Variants in SOX5 observed in about 807,000 individuals in gnomAD.
The protein encoded by SOX5 is SRY-box transcription factor 5, also known as transcription factor SOX-5.
In SOX5, 9 loss-of-function variants were observed where a neutral mutation model predicts 92.0. The ratio of observed to expected loss-of-function variants is 0.10; its 90% confidence interval spans 0.06 to 0.17. SOX5 has a LOEUF of 0.17. Ranked by LOEUF, SOX5 falls within the 10% of genes least tolerant of loss-of-function variation. SOX5 has a pLI of 1.00. For synonymous variants in SOX5, 344 were observed against 336.3 expected, an observed-to-expected ratio of 1.02 and a Z score of -0.25; for missense variants, 642 against 944.5, an observed-to-expected ratio of 0.68 and a Z score of 4.20.
At chr12:23,934,212 C>A (rs975939625) in intron 1 of SOX5, among the ~76,000 whole-genome samples, 2 of 151,300 alleles carry the variant, frequency 1.3e-5, no homozygotes, top group Admixed American at 6.6e-5. Context: ...ATTACTGATA[C>A]AATAGTGAGC....
chr12:24,009,407 T>C (rs947073482), intron 4 of SOX5, among the ~76,000 whole-genome samples: 4 of 147,400 alleles, frequency 2.7e-5, no homozygotes, highest in Admixed American at 6.9e-5. Context: ...TGGTCTTATA[T>C]AATCAAAACT....
intron 7 of SOX5, among the ~76,000 whole-genome samples, chr12:23,648,630 C>T (rs1211211494): frequency 1.3e-5 from 2 of 152,120 alleles, no homozygotes; most frequent in African/African-American, 2.4e-5. Context: ...TGGTCATCTA[C>T]AGGCTGCAAA....
intron 1 of SOX5, among the ~76,000 whole-genome samples, chr12:24,538,598 AACACACACACACACACACACACAC>A: frequency 7.0e-6 from 1 of 143,852 alleles, no homozygotes; most frequent in African/African-American, 2.5e-5. Flanking sequence ...GCTGGATCTA[AACACACACACACACACACACACAC>A]ACACACACAC....
Position 23,993,904 on chromosome 12 carries a change from T to TATGTATGCATGTATGC in SOX5, c.-1-97881_-1-97880insGCATACATGCATACAT, listed in dbSNP as rs1555465091. On this transcript the variant is annotated intron_variant, in intron 4 of 4. Coordinates refer to the SOX5 transcript ENST00000446891. Reference sequence around the variant, plus strand: ...GTATGTATGTATGTATGTATGTATGTATGTATGTATGCATGTATGCATGTA... The same window carrying TATGTATGCATGTATGC: ...GTATGTATGTATGTATGTATGTATGTATGTATGCATGTATGCATGTATGTATGCATGTATGCATGTA... 2.2e-3 allele frequency among the ~76,000 whole-genome samples: 329 copies of TATGTATGCATGTATGC among 149,382 alleles called. 3 individuals carry two copies. The highest frequency in any genetic ancestry group is 7.8e-3 in the African/African-American group (314 of 40,250).
chr12:23,764,941 A>G (rs1447676509), intron 3 of SOX5, among the ~76,000 whole-genome samples: 1 of 152,120 alleles, frequency 6.6e-6, no homozygotes, highest in Non-Finnish European at 1.5e-5. Flanking sequence ...CAGATGCCTG[A>G]AAAGATATGA....
chr12:23,556,040 T>G (rs1945118138), intron 11 of SOX5, among the ~76,000 whole-genome samples: 1 of 152,188 alleles, frequency 6.6e-6, no homozygotes, highest in African/African-American at 2.4e-5. Flanking sequence ...AATACCTATT[T>G]GCCTTTTTGT....
intron 4 of SOX5, among the ~76,000 whole-genome samples, chr12:23,984,453 G>C (rs1416355893): frequency 6.6e-6 from 1 of 152,150 alleles, no homozygotes; most frequent in Non-Finnish European, 1.5e-5. Flanking sequence ...TAGAAGCATT[G>C]GTTGGTTGAA....
At chr12:24,413,037 G>A (rs1964398243) in intron 1 of SOX5, among the ~76,000 whole-genome samples, 1 of 152,164 alleles carries the variant, frequency 6.6e-6, no homozygotes, top group African/African-American at 2.4e-5. Flanking sequence ...TTACAGGCTT[G>A]AGCCATCGCG....
chr12:24,223,994 G>A (rs1478157456), intron 3 of SOX5, among the ~76,000 whole-genome samples: 1 of 152,184 alleles, frequency 6.6e-6, no homozygotes, highest in Non-Finnish European at 1.5e-5. Flanking sequence ...TGCAAAGGTG[G>A]TCGCATGAAC....
chr12:23,802,316 G>A (rs1181004155), intron 3 of SOX5, among the ~76,000 whole-genome samples: 1 of 151,938 alleles, frequency 6.6e-6, no homozygotes, highest in African/African-American at 2.4e-5. Context: ...TCCTGACCTC[G>A]TGATCAGCCC....
At chr12:24,455,490 G>C (rs1225009328) in intron 1 of SOX5, among the ~76,000 whole-genome samples, 1 of 152,162 alleles carries the variant, frequency 6.6e-6, no homozygotes, top group Non-Finnish European at 1.5e-5. Context: ...CTTAGAAACA[G>C]CATAAAAAGT....
At chr12:24,427,216 A>G (rs1966846165) in intron 1 of SOX5, among the ~76,000 whole-genome samples, 1 of 152,166 alleles carries the variant, frequency 6.6e-6, no homozygotes, top group South Asian at 2.1e-4. Flanking sequence ...CTGGCATGAA[A>G]AGTTTCTGCT....
chr12:23,651,631 G>C (rs1426837089), intron 7 of SOX5, among the ~76,000 whole-genome samples: 2 of 152,018 alleles, frequency 1.3e-5, no homozygotes, highest in African/African-American at 2.4e-5. Flanking sequence ...AATATAGGCA[G>C]TAATTACCAG....
At chr12:24,263,058 C>CAA (rs34237989) in intron 3 of SOX5, among the ~76,000 whole-genome samples, 1 of 150,178 alleles carries the variant, frequency 6.7e-6, no homozygotes, top group Admixed American at 6.6e-5. Flanking sequence ...CTTGTCTCTA[C>CAA]AAAAAAAAAA....
intron 1 of SOX5, among the ~76,000 whole-genome samples, chr12:24,378,884 C>A (rs1957546372): frequency 6.6e-6 from 1 of 152,186 alleles, no homozygotes; most frequent in Admixed American, 6.5e-5. Flanking sequence ...GGTAACATGG[C>A]CCCACCGGGC....
At chr12:24,259,402 C>G (rs11047332) in intron 3 of SOX5, among the ~76,000 whole-genome samples, 23,302 of 152,160 alleles carry the variant, frequency 0.15, 2,208 homozygotes, top group South Asian at 0.23. Context: ...TAACACAGTT[C>G]AATGCATTGT....
intron 2 of SOX5, among the ~76,000 whole-genome samples, chr12:24,278,875 C>T (rs1185731769): frequency 1.4e-5 from 2 of 141,078 alleles, no homozygotes; most frequent in African/African-American, 5.2e-5. Context: ...ACAAACTCCA[C>T]TTTTTTTTTT....
chr12:24,307,508 A>G (rs185972061), intron 2 of SOX5, among the ~76,000 whole-genome samples: 435 of 30,696 alleles, frequency 0.014, 34 homozygotes, highest in South Asian at 0.054. Flanking sequence ...GAAGGAAGGA[A>G]GGAAGGAAGG....
intron 4 of SOX5, among the ~76,000 whole-genome samples, chr12:24,163,607 G>C (rs1264956636): frequency 6.8e-6 from 1 of 147,394 alleles, no homozygotes; most frequent in Non-Finnish European, 1.5e-5. Context: ...CCTAGAATAC[G>C]AGGATTCTAT....
Sources: gnomAD v4.1 joint callset for allele counts (sites outside exome capture counted in the v4.1 genomes callset) on GRCh38, gnomAD v4.1.1 for gene constraint, MANE v1.5 for transcripts, NCBI Gene and HGNC (gene_info 2026-07-23, HGNC 2026-07-21) for gene names.